FOXP1: variants seen among roughly 807,000 people sequenced by gnomAD.
The protein encoded by FOXP1 is forkhead box protein P1.
In FOXP1, 15 loss-of-function variants were observed where a neutral mutation model predicts 98.2. That is an observed-to-expected ratio of 0.15 (90% CI 0.10 to 0.24). The LOEUF (loss-of-function observed/expected upper bound fraction) is 0.24, where lower values mean the gene tolerates loss of function less well. Among genes scored for constraint, FOXP1 ranks in the 10% least tolerant of loss-of-function variants. The pLI is 1.00. For missense variants in FOXP1, 633 were observed against 848.5 expected, an observed-to-expected ratio of 0.75 and a Z score of 3.15; for synonymous variants, 371 against 314.5, an observed-to-expected ratio of 1.18 and a Z score of -1.90.
intron 6 of FOXP1, among the ~76,000 whole-genome samples, chr3:71,122,928 C>A (rs1376041288): frequency 6.6e-6 from 1 of 152,166 alleles, no homozygotes; most frequent in Non-Finnish European, 1.5e-5. Context: ...AAATGCATGA[C>A]TGACTGTGGG....
Position 71,459,931 on chromosome 3 carries a change from C to CGT in FOXP1, c.-168+33494_-168+33495insAC, listed in dbSNP as rs1334419290. On this transcript the variant is annotated intron_variant, in intron 3 of 20. Coordinates refer to ENST00000649528, the MANE Select transcript of FOXP1 (RefSeq NM_001349338.3). ...AAAATAATATATCAGGCCCCATCTT[C>CGT]TTTTTTTTTTTTCTTTTTTTAAGAT... 1.6e-4 allele frequency among the ~76,000 whole-genome samples: 22 copies of CGT among 137,054 alleles called. 2 individuals carry two copies. Among genetic ancestry groups the CGT allele is most frequent in the South Asian group, 2.4e-4 (1 of 4,210 alleles). 89.9% of individuals were successfully genotyped at this position (137,054 alleles called of 152,430 possible).
chr3:70,971,280 C>T, intron 18 of FOXP1: 1 of 200,490 alleles, frequency 5.0e-6, no homozygotes. Flanking sequence ...TAAGGAATAT[C>T]CACAAGGCAC....
At chr3:71,012,635 C>T (rs1169442730) in intron 12 of FOXP1, among the ~76,000 whole-genome samples, 1 of 152,104 alleles carries the variant, frequency 6.6e-6, no homozygotes, top group Non-Finnish European at 1.5e-5. Context: ...AAACTGCTTG[C>T]AGGTAACACA....
intron 2 of FOXP1, among the ~76,000 whole-genome samples, chr3:71,494,822 GTCCTATTC>G (rs2091296465): frequency 6.6e-6 from 1 of 151,404 alleles, no homozygotes; most frequent in Non-Finnish European, 1.5e-5. Context: ...AAATGGCAAA[GTCCTATTC>G]TCCAAGCCTC....
chr3:71,330,430 C>G (rs911104253), intron 4 of FOXP1, among the ~76,000 whole-genome samples: 2 of 152,136 alleles, frequency 1.3e-5, no homozygotes, highest in Non-Finnish European at 2.9e-5. Context: ...GAGAAGATGA[C>G]AGTCCACACA....
chr3:71,318,916 G>T (rs544403984), intron 4 of FOXP1, among the ~76,000 whole-genome samples: 2 of 152,162 alleles, frequency 1.3e-5, no homozygotes. Context: ...AATTAACATG[G>T]TTACTGAGCG....
intron 6 of FOXP1, among the ~76,000 whole-genome samples, chr3:71,189,996 T>TG: frequency 1.3e-5 from 2 of 152,380 alleles, no homozygotes; most frequent in East Asian, 3.9e-4. Flanking sequence ...GATTACTAAA[T>TG]GTCAGACCAA....
At chr3:70,970,553 TCCCGCTAACGCTGAAGCAG>T (rs2035992324) in intron 19 of FOXP1, 164 bp downstream of exon 19, 4 of 624,580 alleles carry the variant, frequency 6.4e-6, no homozygotes, top group Non-Finnish European at 1.1e-5. Context: ...ATGCTAAGCA[TCCCGCTAACGCTGAAGCAG>T]CCCGATGTGT....
At position 71,117,684 on chromosome 3, in the gene FOXP1, C is replaced by T. The variant is rs1372817401; in HGVS notation, c.181-5047G>A. Among the ~76,000 whole-genome samples the T allele has an allele frequency of 3.9e-5, 6 of 152,138 alleles. No homozygotes were observed. In the South Asian group the frequency reaches 1.0e-3, roughly 26 times the overall value. The stretch of plus-strand genomic sequence containing the variant: ...ATCAACTCTGACTCAAGTTCCAGAT[C>T]AATTGCTAATGTAAATAACTTAAAA... On this transcript the variant is annotated intron_variant, in intron 6 of 20. Coordinates refer to ENST00000649528, the MANE Select transcript of FOXP1 (RefSeq NM_001349338.3).
At chr3:71,043,729 G>A (rs2048656854) in intron 10 of FOXP1, among the ~76,000 whole-genome samples, 1 of 152,128 alleles carries the variant, frequency 6.6e-6, no homozygotes, top group African/African-American at 2.4e-5. Flanking sequence ...ACTAGGACAG[G>A]GTCCTAACAA....
At chr3:71,236,732 G>A (rs1262040800) in intron 5 of FOXP1, among the ~76,000 whole-genome samples, 1 of 151,894 alleles carries the variant, frequency 6.6e-6, no homozygotes, top group Non-Finnish European at 1.5e-5. Context: ...TCATTAGCTG[G>A]GTGTGATGGT....
chr3:71,396,973 T>TATATATAC lies in FOXP1; in HGVS notation c.-167-37730_-167-37729insGTATATAT, dbSNP rs1553871411. The stretch of plus-strand genomic sequence containing the variant: ...GTGTATATATATATATGTGTGTATA[T>TATATATAC]ATATATATGTGTATATATATACACA... On this transcript the variant is annotated intron_variant, in intron 3 of 20. Transcript: ENST00000649528. Among the ~76,000 whole-genome samples the TATATATAC allele has an allele frequency of 1.3e-3, 35 of 27,382 alleles. 13 individuals are homozygous for TATATATAC. Among genetic ancestry groups the TATATATAC allele is most frequent in the Middle Eastern group, 0.029 (2 of 68 alleles). 18.0% of individuals were successfully genotyped at this position (27,382 alleles called of 152,430 possible).
chr3:71,515,090 T>C lies in FOXP1; in HGVS notation c.-297-21535A>G, dbSNP rs150185831. On this transcript the variant is annotated intron_variant, in intron 2 of 20. Transcript: ENST00000649528. ...CTGCTTTCAAGTTTAACTCAAAAAG[T>C]TTAGTTTGTGAATTTTACGACAGAC... Among the ~76,000 whole-genome samples the C allele has an allele frequency of 1.3e-3, 202 of 152,218 alleles. 1 individual carries two copies. Among genetic ancestry groups the C allele is most frequent in the African/African-American group, 4.8e-3 (198 of 41,536 alleles).
chr3:71,534,092 G>A (rs1010010939), intron 2 of FOXP1, among the ~76,000 whole-genome samples: 7 of 152,198 alleles, frequency 4.6e-5, no homozygotes, highest in African/African-American at 1.4e-4. Flanking sequence ...AGCTGTGCGC[G>A]GTGGCAAACG....
At chr3:71,217,245 G>C (rs1274275147) in intron 5 of FOXP1, among the ~76,000 whole-genome samples, 1 of 151,924 alleles carries the variant, frequency 6.6e-6, no homozygotes, top group African/African-American at 2.4e-5. Flanking sequence ...GCTAAGTTTT[G>C]TATTTTTAGT....
intron 13 of FOXP1, among the ~76,000 whole-genome samples, chr3:70,991,976 T>C (rs1029432559): frequency 6.6e-6 from 1 of 152,150 alleles, no homozygotes; most frequent in Non-Finnish European, 1.5e-5. Context: ...TTAGACGGGA[T>C]TTTAAATTAT....
chr3:71,218,475 T>C (rs7433454), intron 5 of FOXP1, among the ~76,000 whole-genome samples: 149,277 of 152,298 alleles, frequency 0.98, 73,174 homozygotes, highest in East Asian at 1. Context: ...TCCTTCTCAT[T>C]CTTTTTAATG....
rs142092670 is a variant in FOXP1, at chr3:71,238,048, C to T, written c.-11-39656G>A. On this transcript the variant is annotated intron_variant, in intron 5 of 20. Transcript: ENST00000649528. Reference sequence around the variant, plus strand: ...GACTCTCCAAAATATAAGGTAACTACGAAAGGCTTTACATCCCATAGGCAC... The same window carrying T: ...GACTCTCCAAAATATAAGGTAACTATGAAAGGCTTTACATCCCATAGGCAC... Among the ~76,000 whole-genome samples, 163 of 152,248 alleles carry T rather than the reference C, an allele frequency of 1.1e-3. No homozygotes were observed. The Middle Eastern group carries it at 0.014, about 13-fold the overall frequency.
At chr3:71,550,389 T>C (rs145626676) in intron 2 of FOXP1, among the ~76,000 whole-genome samples, 160 of 152,342 alleles carry the variant, frequency 1.1e-3, no homozygotes, top group African/African-American at 3.6e-3. Context: ...TTTCCACATC[T>C]GCAAAATGAG....
Sources: allele counts gnomAD v4.1 joint callset (sites outside exome capture counted in the v4.1 genomes callset), GRCh38; gene constraint gnomAD v4.1.1; transcripts MANE v1.5; gene names NCBI Gene and HGNC (gene_info 2026-07-23, HGNC 2026-07-21).